The following RPRD1B variants were observed in gnomAD, a reference collection of about 807,000 sequenced individuals.
The protein encoded by RPRD1B is regulation of nuclear pre-mRNA domain containing 1B, also known as regulation of nuclear pre-mRNA domain-containing protein 1B.
Under a neutral mutation model 41.5 loss-of-function variants are expected in RPRD1B, and 11 were observed. That is an observed-to-expected ratio of 0.27 (90% CI 0.17 to 0.44). RPRD1B has a LOEUF of 0.44. Ranked by LOEUF, RPRD1B falls within the 20% of genes least tolerant of loss-of-function variation. The pLI is 1.00. For missense variants in RPRD1B, 248 were observed against 389.9 expected, an observed-to-expected ratio of 0.64 and a Z score of 3.06; for synonymous variants, 158 against 155.6, an observed-to-expected ratio of 1.02 and a Z score of -0.12.
chr20:38,068,856 G>T (rs1352255996), intron 6 of RPRD1B, among the ~76,000 whole-genome samples: 2 of 152,190 alleles, frequency 1.3e-5, no homozygotes, highest in Non-Finnish European at 2.9e-5. Context: ...AATTCCTTCA[G>T]ATTGTCCAAA....
At chr20:38,071,352 C>G (rs2074411287) in intron 6 of RPRD1B, among the ~76,000 whole-genome samples, 2 of 152,172 alleles carry the variant, frequency 1.3e-5, no homozygotes, top group Non-Finnish European at 2.9e-5. Flanking sequence ...AAGATTCATC[C>G]CATGTTGTAG....
intron 6 of RPRD1B, among the ~76,000 whole-genome samples, chr20:38,074,494 C>T (rs963217309): frequency 6.6e-6 from 1 of 152,186 alleles, no homozygotes; most frequent in Admixed American, 6.5e-5. Context: ...AAAAGTGACA[C>T]GGTTTTAAGG....
chr20:38,084,669 G>A (rs773699907), intron 6 of RPRD1B, among the ~76,000 whole-genome samples: 10 of 152,200 alleles, frequency 6.6e-5, no homozygotes, highest in Non-Finnish European at 1.3e-4. Flanking sequence ...TGGGTGCTCC[G>A]TGATGGGTGG....
intron 6 of RPRD1B, among the ~76,000 whole-genome samples, chr20:38,066,592 A>G (rs966148310): frequency 3.3e-5 from 5 of 152,250 alleles, no homozygotes; most frequent in Non-Finnish European, 7.3e-5. Context: ...AGTGAAAACC[A>G]AAGAATATGT....
In RPRD1B at chr20:38,086,387, T is replaced by C. The variant is rs76124435; in HGVS notation, c.832-3339T>C. On this transcript the variant is annotated intron_variant, in intron 6 of 6. Coordinates refer to ENST00000373433, the MANE Select transcript of RPRD1B (RefSeq NM_021215.4). The stretch of plus-strand genomic sequence containing the variant: ...TAAGCAGGTACATGTTTTAACAGTT[T>C]TAAAGGCAATTGCTGCCTGTATTTG... 8.6e-3 allele frequency among the ~76,000 whole-genome samples: 1,306 copies of C among 152,366 alleles called. 21 individuals are homozygous for C. Among genetic ancestry groups the C allele is most frequent in the African/African-American group, 0.028 (1,167 of 41,588 alleles).
chr20:38,041,090 G>A (rs532120909), intron 2 of RPRD1B, among the ~76,000 whole-genome samples: 16 of 152,322 alleles, frequency 1.1e-4, no homozygotes, highest in Admixed American at 9.2e-4. Context: ...TGGTGCTGTT[G>A]TGTTTTGTGG....
chr20:38,059,943 G>A (rs145917605), intron 5 of RPRD1B, among the ~76,000 whole-genome samples: 1 of 152,248 alleles, frequency 6.6e-6, no homozygotes, highest in African/African-American at 2.4e-5. Flanking sequence ...ATGATAGTGC[G>A]TTCAGTGCCA....
chr20:38,067,864 A>G (rs983475643), intron 6 of RPRD1B, among the ~76,000 whole-genome samples: 3 of 152,266 alleles, frequency 2.0e-5, no homozygotes, highest in Non-Finnish European at 2.9e-5. Flanking sequence ...GTAAGTCACC[A>G]TGCCATCTGT....
chr20:38,048,477 C>G lies in RPRD1B; in HGVS notation c.411C>G (p.Pro137=), dbSNP rs758478465. The G allele has an allele frequency of 2.7e-5, 43 of 1,603,158 alleles. No individual in the cohort carries two copies. The Admixed American group carries it at 5.5e-4, about 21-fold the overall frequency. The change falls in exon 3 of 7, where the codon CCC becomes CCG. Residue 137 remains proline (P), a synonymous_variant. Coordinates refer to ENST00000373433, the MANE Select transcript of RPRD1B (RefSeq NM_021215.4). ...TGGAGGACTCCAAGAGCCCTCCCCC[C>G]AAAGGTAGAAACATCACCACATGTT... The part of the protein sequence containing the change: ...LSMEDSKSPP[P]KATEEKKSLK...
At chr20:38,078,215 CCTG>C (rs1488229008) in intron 6 of RPRD1B, among the ~76,000 whole-genome samples, 1 of 151,552 alleles carries the variant, frequency 6.6e-6, no homozygotes, top group African/African-American at 2.4e-5. Flanking sequence ...CTGGCCCCCT[CCTG>C]TGCCCTATGA....
At position 38,033,913 on chromosome 20, in the gene RPRD1B, C is replaced by G. The variant is rs761241034; in HGVS notation, c.-35C>G. ...GCTCTTCCCGCCGCACTGGGCGGCC[C>G]AGGCCGCTCCCTGCCGGGCCTCACT... On this transcript the variant is annotated 5_prime_UTR_variant, in exon 1 of 7. Transcript: ENST00000373433. The G allele has an allele frequency of 5.1e-6, 8 of 1,583,120 alleles. No individual in the cohort carries two copies. Among genetic ancestry groups the G allele is most frequent in the Middle Eastern group, 1.7e-4 (1 of 5,916 alleles).
Position 38,090,286 on chromosome 20 carries a change from G to A in RPRD1B, c.*411G>A. ...TCCTTTCTGGGCTGGGCTTGTTCAAGTTCGGTGTGGGCTTCCACTAAGGCA... is the reference window on the plus strand; with the variant it reads ...TCCTTTCTGGGCTGGGCTTGTTCAAATTCGGTGTGGGCTTCCACTAAGGCA... On this transcript the variant is annotated 3_prime_UTR_variant, in exon 7 of 7. Transcript: ENST00000373433. The A allele has an allele frequency of 2.0e-6, 2 of 988,424 alleles. No homozygotes were observed. Among genetic ancestry groups the A allele is most frequent in the Non-Finnish European group, 1.2e-6 (1 of 831,624 alleles). 61.2% of individuals were successfully genotyped at this position (988,424 alleles called of 1,614,324 possible). A position where few individuals can be genotyped will look rare whatever the true frequency, so the allele number is the denominator to read the frequency against.
chr20:38,034,185 G>A (rs1488662004), intron 1 of RPRD1B, 87 bp downstream of exon 1: 6 of 1,415,630 alleles, frequency 4.2e-6, no homozygotes, highest in Admixed American at 2.2e-5. Flanking sequence ...CCTCTTCATT[G>A]AGCCTTGCTT....
rs115135345 is a variant in RPRD1B, at chr20:38,045,475, A to G, written c.282-2873A>G. 4.0e-3 allele frequency among the ~76,000 whole-genome samples: 607 copies of G among 152,332 alleles called. 5 individuals are homozygous for G. Among genetic ancestry groups the G allele is most frequent in the African/African-American group, 0.014 (574 of 41,564 alleles). On this transcript the variant is annotated intron_variant, in intron 2 of 6. Transcript: ENST00000373433. ...TCTAGCAAAACTTTGATTTACCACA[A>G]TGTTCAAGGAAATATCTGTCCTGGT...
chr20:38,081,819 TGAA>T (rs1158931245), intron 6 of RPRD1B, among the ~76,000 whole-genome samples: 2 of 152,234 alleles, frequency 1.3e-5, no homozygotes, highest in African/African-American at 4.8e-5. Context: ...GAAATGATGA[TGAA>T]GTTTTTGTTT....
In RPRD1B at chr20:38,048,329, T is replaced by C. The variant is rs753632592; in HGVS notation, c.282-19T>C. On this transcript the variant is annotated intron_variant, in intron 2 of 6. Coordinates refer to ENST00000373433, the MANE Select transcript of RPRD1B (RefSeq NM_021215.4). Reference sequence around the variant, plus strand: ...AAAAATCTTAAGCTTATATATATCTTTTCATCTTTTCTGGGCAGAGAGGCA... The same window carrying C: ...AAAAATCTTAAGCTTATATATATCTCTTCATCTTTTCTGGGCAGAGAGGCA... 6.2e-7 allele frequency: 1 copy of C among 1,607,300 alleles called. No homozygotes were observed. Among genetic ancestry groups the C allele is most frequent in the Non-Finnish European group, 8.5e-7 (1 of 1,175,102 alleles).
chr20:38,075,119 C>T (rs1231290127), intron 6 of RPRD1B, among the ~76,000 whole-genome samples: 1 of 152,192 alleles, frequency 6.6e-6, no homozygotes, highest in Non-Finnish European at 1.5e-5. Context: ...CTGTAGATTT[C>T]TAGAAGTGGT....
intron 2 of RPRD1B, among the ~76,000 whole-genome samples, chr20:38,047,442 A>G (rs896384784): frequency 6.6e-6 from 1 of 152,190 alleles, no homozygotes; most frequent in African/African-American, 2.4e-5. Flanking sequence ...ATTAAAAGCC[A>G]TTTAACTTAG....
chr20:38,078,084 C>G (rs750654167), intron 6 of RPRD1B, among the ~76,000 whole-genome samples: 10 of 151,688 alleles, frequency 6.6e-5, no homozygotes, highest in Non-Finnish European at 1.5e-4. Context: ...AGGAGGATCA[C>G]TTGAGCCCAG....
Sources: allele counts gnomAD v4.1 joint callset (sites outside exome capture counted in the v4.1 genomes callset), GRCh38; gene constraint gnomAD v4.1.1; transcripts MANE v1.5; gene names NCBI Gene and HGNC (gene_info 2026-07-23, HGNC 2026-07-21).